Variants in SNX24 observed in about 807,000 individuals in gnomAD.
SNX24 encodes the protein sorting nexin-24.
Under a neutral mutation model 28.7 loss-of-function variants are expected in SNX24, and 22 were observed. That is an observed-to-expected ratio of 0.77 (90% confidence interval 0.55 to 1.10). The LOEUF is 1.10. Among genes scored for constraint, SNX24 ranks in the 50% least tolerant of loss-of-function variants. The pLI, the probability that SNX24 is intolerant of heterozygous loss-of-function variation, is 0.00. For synonymous variants in SNX24, 69 were observed against 71.5 expected (o/e 0.96, Z 0.18); for missense variants, 221 against 201.1 (o/e 1.10, Z -0.60).
chr5:122,858,407 T>A (rs1034004165), intron 1 of SNX24, among the ~76,000 whole-genome samples: 2 of 152,244 alleles, frequency 1.3e-5, no homozygotes, highest in South Asian at 2.1e-4. Context: ...GCAAAGCACA[T>A]TAAAGCAAAG....
intron 1 of SNX24, among the ~76,000 whole-genome samples, chr5:122,863,663 C>A (rs1755586961): frequency 6.6e-6 from 1 of 151,988 alleles, no homozygotes. Context: ...ACTTGATGCT[C>A]AGGAGGCACA....
downstream of SNX24, among the ~76,000 whole-genome samples, chr5:123,010,731 A>C (rs1292941704): frequency 1.3e-5 from 2 of 152,226 alleles, no homozygotes; most frequent in African/African-American, 2.4e-5. Context: ...GTCTGTACTT[A>C]ATGTGTCTAC....
Position 123,008,909 on chromosome 5 carries a change from A to G in SNX24, c.*1160A>G. On this transcript the variant is annotated 3_prime_UTR_variant, in exon 7 of 7. Coordinates refer to ENST00000261369, the MANE Select transcript of SNX24 (RefSeq NM_014035.4). ...TATGTGGGCATTTCATTGAGATCTA[A>G]TTAATAGCTAGCCTATTTATGGTTA... is the stretch of plus-strand genomic sequence containing the variant. 1 of 984,878 alleles carries G rather than the reference A, an allele frequency of 1.0e-6. No individual in the cohort carries two copies. The highest frequency in any genetic ancestry group is 1.2e-6 in the Non-Finnish European group (1 of 829,030). 61.0% of individuals were successfully genotyped at this position (984,878 alleles called of 1,614,324 possible). A position where few individuals can be genotyped will look rare whatever the true frequency, so the allele number is the denominator to read the frequency against.
intron 1 of SNX24, among the ~76,000 whole-genome samples, chr5:122,866,756 T>C (rs1488633417): frequency 6.6e-6 from 1 of 152,196 alleles, no homozygotes; most frequent in Non-Finnish European, 1.5e-5. Flanking sequence ...CCCCAGCCAG[T>C]ACATAGCAGA....
At chr5:122,977,597 G>T (rs1205423656) in intron 3 of SNX24, among the ~76,000 whole-genome samples, 1 of 152,158 alleles carries the variant, frequency 6.6e-6, no homozygotes, top group East Asian at 1.9e-4. Flanking sequence ...GGCTAACGGT[G>T]CATGCACTGG....
intron 3 of SNX24, among the ~76,000 whole-genome samples, chr5:122,954,732 A>G (rs1201195845): frequency 6.6e-6 from 1 of 152,116 alleles, no homozygotes; most frequent in African/African-American, 2.4e-5. Context: ...GATTTTTAAA[A>G]AAAAATCAGT....
At chr5:122,901,895 T>G (rs1581724826) in intron 1 of SNX24, among the ~76,000 whole-genome samples, 1 of 152,322 alleles carries the variant, frequency 6.6e-6, no homozygotes, top group Middle Eastern at 3.4e-3. Context: ...CATCCTAATT[T>G]TGGGATATCC....
intron 1 of SNX24, among the ~76,000 whole-genome samples, chr5:122,855,647 A>G (rs568007410): frequency 2.8e-4 from 42 of 152,292 alleles, no homozygotes; most frequent in South Asian, 1.2e-3. Context: ...ACCCTGTCAA[A>G]TGCTGCTGCT....
At chr5:122,893,348 C>T (rs1003730905) in intron 1 of SNX24, among the ~76,000 whole-genome samples, 11 of 151,720 alleles carry the variant, frequency 7.3e-5, no homozygotes, top group African/African-American at 2.7e-4. Context: ...TCACCTTGTA[C>T]TTTCACAATT....
intron 3 of SNX24, among the ~76,000 whole-genome samples, chr5:122,948,992 A>G (rs1428291589): frequency 6.6e-6 from 1 of 152,228 alleles, no homozygotes; most frequent in African/African-American, 2.4e-5. Flanking sequence ...TTTTTAAATC[A>G]ATAACTTGAA....
At chr5:122,894,038 G>GAAAA (rs375432717) in intron 1 of SNX24, among the ~76,000 whole-genome samples, 1 of 132,206 alleles carries the variant, frequency 7.6e-6, no homozygotes, top group Non-Finnish European at 1.6e-5. Flanking sequence ...ACTCCAAATC[G>GAAAA]AAAAAAAAAA....
At position 122,863,293 on chromosome 5, in the gene SNX24, G is replaced by A. The variant is rs561483304; in HGVS notation, c.60+17600G>A. On this transcript the variant is annotated intron_variant, in intron 1 of 6. Coordinates refer to ENST00000261369, the MANE Select transcript of SNX24 (RefSeq NM_014035.4). ...AGTCATGAGGTTATCCAAGGGAAAT[G>A]TCTTTTAGGCAGAAGGAGCAGTATG... Among the ~76,000 whole-genome samples, 14 of 152,228 alleles carry A rather than the reference G, an allele frequency of 9.2e-5. No homozygotes were observed. In the East Asian group the frequency reaches 1.7e-3, roughly 19 times the overall value.
chr5:122,871,089 A>G (rs1187933724), intron 1 of SNX24, among the ~76,000 whole-genome samples: 1 of 152,228 alleles, frequency 6.6e-6, no homozygotes, highest in African/African-American at 2.4e-5. Context: ...GGTGAGAACT[A>G]CTGCACTGAA....
At chr5:122,952,799 GT>G (rs1462222456) in intron 3 of SNX24, among the ~76,000 whole-genome samples, 1 of 152,162 alleles carries the variant, frequency 6.6e-6, no homozygotes, top group Non-Finnish European at 1.5e-5. Flanking sequence ...ACACATGAGA[GT>G]TCTTAGAATT....
intron 3 of SNX24, among the ~76,000 whole-genome samples, chr5:122,976,369 A>G (rs1307289538): frequency 6.6e-6 from 1 of 151,434 alleles, no homozygotes; most frequent in African/African-American, 2.4e-5. Context: ...GTTTAAGTGT[A>G]AGAAACCTGT....
chr5:123,001,458 G>A (rs1228429414), intron 5 of SNX24, 21 bp downstream of exon 5: 1 of 1,535,444 alleles, frequency 6.5e-7, no homozygotes, highest in African/African-American at 1.4e-5. Flanking sequence ...ATCCTCATCA[G>A]CCAGGAATAG....
chr5:122,853,336 C>T (rs1755021924), intron 1 of SNX24, among the ~76,000 whole-genome samples: 1 of 151,970 alleles, frequency 6.6e-6, no homozygotes, highest in South Asian at 2.1e-4. Context: ...ACCGTGTTAG[C>T]CAGGATGGTC....
At chr5:122,979,815 T>C (rs6869268) in intron 3 of SNX24, among the ~76,000 whole-genome samples, 55,265 of 152,154 alleles carry the variant, frequency 0.36, 10,794 homozygotes, top group African/African-American at 0.48. Flanking sequence ...CAAGTTGTGC[T>C]GACAGCCCAC....
At chr5:123,002,251 T>C (rs1762272138) in intron 6 of SNX24, 1 of 511,072 alleles carries the variant, frequency 2.0e-6, no homozygotes, top group Non-Finnish European at 3.4e-6. Context: ...AAGAATGGTA[T>C]TTATGGTCCT....
Sources: allele counts gnomAD v4.1 joint callset (sites outside exome capture counted in the v4.1 genomes callset), GRCh38; gene constraint gnomAD v4.1.1; transcripts MANE v1.5; gene names NCBI Gene and HGNC (gene_info 2026-07-23, HGNC 2026-07-21).